Variants in SPOCK3 observed in about 807,000 individuals in gnomAD.
SPOCK3 encodes SPARC (osteonectin), cwcv and kazal like domains proteoglycan 3.
A neutral mutation model predicts 56.6 loss-of-function variants in SPOCK3; 30 were observed. The observed-to-expected ratio is 0.53, with a 90% CI of 0.40 to 0.72. The LOEUF (loss-of-function observed/expected upper bound fraction) is 0.72. Ranked by LOEUF, SPOCK3 falls within the 30% of genes least tolerant of loss-of-function variation. SPOCK3 has a pLI of 0.00. For missense variants in SPOCK3, 527 were observed against 530.0 expected, an observed-to-expected ratio of 0.99 and a Z score of 0.06; for synonymous variants, 196 against 183.3, an observed-to-expected ratio of 1.07 and a Z score of -0.56.
chr4:167,158,920 T>A (rs1223190314), intron 2 of SPOCK3, among the ~76,000 whole-genome samples: 2 of 152,020 alleles, frequency 1.3e-5, no homozygotes, highest in African/African-American at 4.8e-5. Context: ...TACCTACTCA[T>A]GCAAACTAGA....
chr4:166,880,627 T>C (rs982133796), intron 6 of SPOCK3, among the ~76,000 whole-genome samples: 2 of 152,154 alleles, frequency 1.3e-5, no homozygotes, highest in African/African-American at 4.8e-5. Context: ...GTCGTTTGAT[T>C]CTCTAACAAT....
chr4:167,116,613 G>GTA (rs1222669624), intron 2 of SPOCK3, among the ~76,000 whole-genome samples: 51 of 125,072 alleles, frequency 4.1e-4, no homozygotes, highest in Admixed American at 1.7e-3. Context: ...TACTATATAC[G>GTA]TATATATATA....
chr4:167,149,821 T>A (rs1055867157), intron 2 of SPOCK3, among the ~76,000 whole-genome samples: 1 of 107,124 alleles, frequency 9.3e-6, no homozygotes. Context: ...GCACTATATA[T>A]ATGGTGTGTA....
chr4:166,910,513 G>A (rs977431538), intron 5 of SPOCK3, among the ~76,000 whole-genome samples: 3 of 152,012 alleles, frequency 2.0e-5, no homozygotes, highest in Non-Finnish European at 2.9e-5. Context: ...CGTATAATAC[G>A]TGCTTTTAGT....
At chr4:167,137,388 T>C (rs1763211180) in intron 2 of SPOCK3, among the ~76,000 whole-genome samples, 1 of 151,996 alleles carries the variant, frequency 6.6e-6, no homozygotes. Context: ...TGTGGTTACA[T>C]TTCAAACTTA....
At chr4:167,178,889 G>T (rs1731213638) in intron 2 of SPOCK3, among the ~76,000 whole-genome samples, 1 of 152,058 alleles carries the variant, frequency 6.6e-6, no homozygotes, top group Admixed American at 6.6e-5. Flanking sequence ...TGCTTAAAGA[G>T]AATTGTTTAA....
chr4:167,151,923 C>A (rs1486127813), intron 2 of SPOCK3, among the ~76,000 whole-genome samples: 1 of 152,190 alleles, frequency 6.6e-6, no homozygotes, highest in Non-Finnish European at 1.5e-5. Context: ...TGACTTACTG[C>A]ATTTTTAGTG....
At chr4:166,931,794 T>G (rs1443513379) in intron 4 of SPOCK3, among the ~76,000 whole-genome samples, 1 of 152,232 alleles carries the variant, frequency 6.6e-6, no homozygotes, top group African/African-American at 2.4e-5. Flanking sequence ...TGTTTTACAT[T>G]TCTTTAGAGA....
intron 7 of SPOCK3, among the ~76,000 whole-genome samples, chr4:166,774,178 C>T (rs1739268489): frequency 6.6e-6 from 1 of 152,130 alleles, no homozygotes; most frequent in African/African-American, 2.4e-5. Flanking sequence ...TTTCCTTAAT[C>T]CTTCTCTATT....
intron 4 of SPOCK3, among the ~76,000 whole-genome samples, chr4:166,921,975 T>G (rs1352147353): frequency 2.6e-5 from 4 of 152,142 alleles, no homozygotes; most frequent in Non-Finnish European, 5.9e-5. Flanking sequence ...AGCCGTCACC[T>G]GTTAGGAACC....
chr4:166,870,431 T>C (rs1732333020), intron 6 of SPOCK3, among the ~76,000 whole-genome samples: 1 of 152,002 alleles, frequency 6.6e-6, no homozygotes, highest in Non-Finnish European at 1.5e-5. Flanking sequence ...GCATGGAACG[T>C]TCACCAAGAC....
intron 2 of SPOCK3, among the ~76,000 whole-genome samples, chr4:167,159,345 G>A (rs990309061): frequency 2.6e-5 from 4 of 151,928 alleles, no homozygotes; most frequent in African/African-American, 9.7e-5. Context: ...ATCAGAAGCA[G>A]AAGTTTCTCT....
intron 2 of SPOCK3, among the ~76,000 whole-genome samples, chr4:167,156,379 C>T (rs1319680485): frequency 6.6e-6 from 1 of 152,148 alleles, no homozygotes; most frequent in African/African-American, 2.4e-5. Context: ...AGATCACCTC[C>T]CAATTATGTT....
At chr4:166,754,154 C>G (rs1408702258) in intron 8 of SPOCK3, 2 of 1,005,624 alleles carry the variant, frequency 2.0e-6, no homozygotes, top group Non-Finnish European at 2.4e-6. Flanking sequence ...GATAAAAAAT[C>G]CATTTATTTT....
chr4:166,966,381 G>A (rs1744737838), intron 4 of SPOCK3, among the ~76,000 whole-genome samples: 1 of 151,718 alleles, frequency 6.6e-6, no homozygotes, highest in Non-Finnish European at 1.5e-5. Context: ...TTGTTATTCT[G>A]TGACAAAATG....
intron 2 of SPOCK3, among the ~76,000 whole-genome samples, chr4:167,129,304 GT>G (rs2150378367): frequency 6.6e-6 from 1 of 152,310 alleles, no homozygotes; most frequent in African/African-American, 2.4e-5. Flanking sequence ...CGGCTGTAGA[GT>G]ATCAGATACC....
At chr4:166,870,298 G>A (rs1732322619) in intron 6 of SPOCK3, among the ~76,000 whole-genome samples, 1 of 152,008 alleles carries the variant, frequency 6.6e-6, no homozygotes, top group Non-Finnish European at 1.5e-5. Flanking sequence ...ACATTTATCA[G>A]TAACTGATAA....
chr4:166,739,530 C>T (rs1305892542), intron 9 of SPOCK3, among the ~76,000 whole-genome samples: 1 of 152,146 alleles, frequency 6.6e-6, no homozygotes, highest in Non-Finnish European at 1.5e-5. Context: ...CATGAGCCGT[C>T]ATCCCCGACT....
chr4:166,741,626 A>G (rs922968313), intron 9 of SPOCK3, among the ~76,000 whole-genome samples: 2 of 152,180 alleles, frequency 1.3e-5, no homozygotes, highest in Non-Finnish European at 2.9e-5. Context: ...CTTTTCACCC[A>G]ATTTATAAAA....
Sources: allele counts gnomAD v4.1 joint callset (sites outside exome capture counted in the v4.1 genomes callset), GRCh38; gene constraint gnomAD v4.1.1; transcripts MANE v1.5; gene names NCBI Gene and HGNC (gene_info 2026-07-23, HGNC 2026-07-21).